Variants in ARFGAP1 observed in about 807,000 individuals in gnomAD.
ARFGAP1 encodes the protein ADP-ribosylation factor GTPase-activating protein 1.
In ARFGAP1, 26 loss-of-function variants were observed where a neutral mutation model predicts 54.0. The observed-to-expected ratio is 0.48, with a 90% CI of 0.35 to 0.67. ARFGAP1 has a LOEUF of 0.67. Ranked by LOEUF, ARFGAP1 falls within the 30% of genes least tolerant of loss-of-function variation. The probability of loss-of-function intolerance (pLI) is 0.00; values close to 1 mark genes in which losing one functional copy is unlikely to be tolerated. For synonymous variants in ARFGAP1, 248 were observed against 211.9 expected (o/e 1.17, Z -1.48); for missense variants, 525 against 535.8 (o/e 0.98, Z 0.20).
rs766657399 is a variant in ARFGAP1, at chr20:63,287,684, G to C, written c.1032G>C (p.Pro344=). 2.5e-6 allele frequency: 4 copies of C among 1,612,396 alleles called. No individual in the cohort carries two copies. The highest frequency in any genetic ancestry group is 1.3e-5 in the African/African-American group (1 of 74,904). The change falls in exon 13 of 13, where the codon CCG becomes CCC. Residue 344 remains proline, a synonymous_variant. Coordinates refer to ENST00000370283, the MANE Select transcript of ARFGAP1 (RefSeq NM_018209.4). The part of the protein sequence containing the change: ...SAEPTKTRKS[P]SSDSWTCADT... ...AGCCCACCAAGACCCGCAAGTCCCC[G>C]AGCAGCGACAGCTGGACGTGCGCGG...
At chr20:63,275,995 C>T in intron 2 of ARFGAP1, 96 bp from the exon 3 acceptor site, 2 of 1,127,266 alleles carry the variant, frequency 1.8e-6, no homozygotes, top group East Asian at 2.3e-5. Flanking sequence ...CCTGGGCAGC[C>T]CTCTGCATTC....
chr20:63,287,683 C>A lies in ARFGAP1; in HGVS notation c.1031C>A (p.Pro344Gln). The A allele has an allele frequency of 6.2e-7, 1 of 1,612,466 alleles. No individual in the cohort carries two copies. The highest frequency in any genetic ancestry group is 1.1e-5 in the South Asian group (1 of 91,016). Reference protein sequence around the residue: ...SAEPTKTRKSPSSDSWTCADT... With the variant: ...SAEPTKTRKSQSSDSWTCADT... ...GAGCCCACCAAGACCCGCAAGTCCCCGAGCAGCGACAGCTGGACGTGCGCG... is the reference window on the plus strand; with the variant it reads ...GAGCCCACCAAGACCCGCAAGTCCCAGAGCAGCGACAGCTGGACGTGCGCG... Residue 344 changes from proline (P) to glutamine (Q), a missense_variant, in exon 13 of 13, where the codon CCG becomes CAG. Coordinates refer to ENST00000370283, the MANE Select transcript of ARFGAP1 (RefSeq NM_018209.4).
chr20:63,286,887 C>T lies in ARFGAP1; in HGVS notation c.911+445C>T, dbSNP rs545966206. The T allele has an allele frequency of 1.9e-4, 34 of 183,618 alleles. 1 individual carries two copies. The South Asian group carries it at 2.8e-3, about 15-fold the overall frequency. The allele number at this position is 183,618 out of a possible 1,614,324, so 11.4% of individuals were successfully genotyped here. A position where few individuals can be genotyped will look rare whatever the true frequency, so the allele number is the denominator to read the frequency against. ...GGCCAGGGGACAGGAAGGCTAGGGC[C>T]CCAGAGACCTGTCCTGGGCCCCATG... On this transcript the variant is annotated intron_variant, in intron 12 of 12. Coordinates refer to ENST00000370283, the MANE Select transcript of ARFGAP1 (RefSeq NM_018209.4).
chr20:63,279,031 C>T lies in ARFGAP1; in HGVS notation c.627+36C>T, dbSNP rs755044676. 72 of 1,605,638 alleles carry T rather than the reference C, an allele frequency of 4.5e-5. No homozygotes were observed. In the South Asian group the frequency reaches 5.5e-4, roughly 12 times the overall value. ...GGCCCTGCAGAGCATCTCCCATGGG[C>T]AGACCCCGCCCTGAGGGCACGACGG... On this transcript the variant is annotated intron_variant, in intron 7 of 12. Coordinates refer to ENST00000370283, the MANE Select transcript of ARFGAP1 (RefSeq NM_018209.4).
Position 63,277,290 on chromosome 20 carries a change from C to G in ARFGAP1, c.428C>G (p.Pro143Arg), listed in dbSNP as rs371065303. Residue 143 changes from proline (P) to arginine (R), a missense_variant, in exon 5 of 13, where the codon CCG becomes CGG. By Grantham distance (103) the Pro-to-Arg change is moderately radical. This residue lies in a region of ARFGAP1 where 466 missense variants were observed against 453.6 expected (regional missense o/e 1.03). Coordinates refer to ENST00000370283, the MANE Select transcript of ARFGAP1 (RefSeq NM_018209.4). ...ACCCCACCTCAGCCCAGGACGCTGCCGTCCATGGTGCACCGGTAGCTGCTC... is the reference window on the plus strand; with the variant it reads ...ACCCCACCTCAGCCCAGGACGCTGCGGTCCATGGTGCACCGGTAGCTGCTC... ...NWTPPQPRTL[P>R]SMVHRVSGQP... is the part of the protein sequence containing the mutation. 1.1e-5 allele frequency: 17 copies of G among 1,612,580 alleles called. No homozygotes were observed. Among genetic ancestry groups the G allele is most frequent in the Non-Finnish European group, 9.3e-6 (11 of 1,179,862 alleles).
intron 7 of ARFGAP1, 52 bp from the exon 8 acceptor site, chr20:63,281,239 C>A (rs568416419): frequency 1.9e-6 from 3 of 1,550,576 alleles, no homozygotes; most frequent in Non-Finnish European, 2.6e-6. Flanking sequence ...TGCTCAGCGC[C>A]GGGTTCCTGG....
In ARFGAP1 at chr20:63,282,856, CAG is replaced by C. The variant is rs750880943; in HGVS notation, c.717+8_717+9del. On this transcript the variant is annotated splice_donor_region_variant and intron_variant, in intron 9 of 12. Transcript: ENST00000370283. ...GGATCCCAAGCGAGTCAGAAGGTAACAGAGGAGAAGCTTCTGCACCCTGGTGC... is the reference window on the plus strand; with the variant it reads ...GGATCCCAAGCGAGTCAGAAGGTAACAGGAGAAGCTTCTGCACCCTGGTGC... 5.0e-6 allele frequency: 8 copies of C among 1,613,912 alleles called. No homozygotes were observed. In the Admixed American group the frequency reaches 6.7e-5, roughly 13 times the overall value.
rs2067424775 is a variant in ARFGAP1, at chr20:63,282,933, T to C, written c.717+82T>C. The C allele has an allele frequency of 3.5e-5, 51 of 1,461,574 alleles. No individual in the cohort carries two copies. The South Asian group carries it at 5.1e-4, about 15-fold the overall frequency. The allele number at this position is 1,461,574 out of a possible 1,614,324, so 90.5% of individuals were successfully genotyped here. A position where few individuals can be genotyped will look rare whatever the true frequency, so the allele number is the denominator to read the frequency against. On this transcript the variant is annotated intron_variant, in intron 9 of 12. Coordinates refer to ENST00000370283, the MANE Select transcript of ARFGAP1 (RefSeq NM_018209.4). ...GTCACGTGCAGCACCTGAAGCTGCC[T>C]GGTTCCCTCTTCTCAGGCCACATGC...
intron 7 of ARFGAP1, among the ~76,000 whole-genome samples, chr20:63,280,992 G>A (rs909936985): frequency 1.3e-5 from 2 of 152,212 alleles, no homozygotes; most frequent in African/African-American, 4.8e-5. Context: ...CATGGGGAGG[G>A]GTCCTGCCCT....
intron 8 of ARFGAP1, among the ~76,000 whole-genome samples, chr20:63,282,047 C>T (rs947935265): frequency 4.6e-5 from 7 of 151,676 alleles, no homozygotes; most frequent in Admixed American, 3.3e-4. Flanking sequence ...CCCGTCACAG[C>T]GCTCACCTGT....
Position 63,276,305 on chromosome 20 carries a change from C to T in ARFGAP1, c.170+105C>T, listed in dbSNP as rs989870767. 4.9e-5 allele frequency: 69 copies of T among 1,404,712 alleles called. 2 individuals carry two copies. Among genetic ancestry groups the T allele is most frequent in the East Asian group, 3.3e-4 (14 of 42,990 alleles). The allele number at this position is 1,404,712 out of a possible 1,614,324, so 87.0% of individuals were successfully genotyped here. A position where few individuals can be genotyped will look rare whatever the true frequency, so the allele number is the denominator to read the frequency against. On this transcript the variant is annotated intron_variant, in intron 3 of 12. Transcript: ENST00000370283. This position sits in a 1 kb window ranked among gnomAD's most constrained non-coding sequence, Gnocchi z 5.2. The stretch of plus-strand genomic sequence containing the variant: ...CCAGGGAAGCTTGGGGGCCACCTCC[C>T]ATTGCATTGCCAGTGTCCACTCTAG...
At chr20:63,275,718 G>A (rs902823452) in intron 2 of ARFGAP1, 78 bp downstream of exon 2, 2 of 1,415,450 alleles carry the variant, frequency 1.4e-6, no homozygotes, top group Non-Finnish European at 2.0e-6. Flanking sequence ...CTCTGAGCCT[G>A]TAGTTCTGGG....
At chr20:63,275,966 G>T in intron 2 of ARFGAP1, 125 bp from the exon 3 acceptor site, 1 of 829,538 alleles carries the variant, frequency 1.2e-6, no homozygotes, top group South Asian at 1.5e-5. Context: ...GCCTTGCCCT[G>T]ACCCACACCC....
rs1300449606 is a variant in ARFGAP1 at position 63,275,507 on chromosome 20, C to T, written c.-4-70C>T. 4 of 1,454,980 alleles carry T rather than the reference C, an allele frequency of 2.7e-6. No individual in the cohort carries two copies. The African/African-American group carries it at 4.2e-5, about 15-fold the overall frequency. 90.1% of individuals were successfully genotyped at this position (1,454,980 alleles called of 1,614,324 possible). A position where few individuals can be genotyped will look rare whatever the true frequency, so the allele number is the denominator to read the frequency against. On this transcript the variant is annotated intron_variant, in intron 1 of 12. Coordinates refer to ENST00000370283, the MANE Select transcript of ARFGAP1 (RefSeq NM_018209.4). ...TTTTCTGTTGTGTGGTGTTTTTGGA[C>T]AGACGTTATTTTCTTTTTTGTAGAG...
rs2067631380 is a variant in ARFGAP1, at chr20:63,288,623, C to T, written c.*750C>T. The T allele has an allele frequency of 2.3e-6, 1 of 426,772 alleles. No individual in the cohort carries two copies. Among genetic ancestry groups the T allele is most frequent in the Non-Finnish European group, 4.8e-6 (1 of 209,864 alleles). The allele number at this position is 426,772 out of a possible 1,614,324, so 26.4% of individuals were successfully genotyped here. ...AGGAGCGCAGGGTGGGCCCTCGGCC[C>T]TGATGCAGGAGGGTGCGATAGCGGA... On this transcript the variant is annotated 3_prime_UTR_variant, in exon 13 of 13. Coordinates refer to ENST00000370283, the MANE Select transcript of ARFGAP1 (RefSeq NM_018209.4).
chr20:63,278,302 G>T, intron 6 of ARFGAP1, 99 bp downstream of exon 6: 1 of 1,285,386 alleles, frequency 7.8e-7, no homozygotes, highest in Non-Finnish European at 1.1e-6. Flanking sequence ...CATGTGCAGT[G>T]GGTGTGGGAC....
At position 63,286,541 on chromosome 20, in the gene ARFGAP1, G is replaced by C. The variant is rs561119907; in HGVS notation, c.911+99G>C. On this transcript the variant is annotated intron_variant, in intron 12 of 12. Transcript: ENST00000370283. ...AGGTGGCTGGCATCCTTGCTGGGGA[G>C]GGAAGGGGCACTGTGGAGGCTCTCC... The C allele has an allele frequency of 4.9e-6, 6 of 1,231,154 alleles. No individual in the cohort carries two copies. In the African/African-American group the frequency reaches 7.5e-5, roughly 15 times the overall value. 76.3% of individuals were successfully genotyped at this position (1,231,154 alleles called of 1,614,324 possible). A position where few individuals can be genotyped will look rare whatever the true frequency, so the allele number is the denominator to read the frequency against.
At chr20:63,280,212 A>G (rs2067344357) in intron 7 of ARFGAP1, among the ~76,000 whole-genome samples, 1 of 152,318 alleles carries the variant, frequency 6.6e-6, no homozygotes, top group Middle Eastern at 3.4e-3. Flanking sequence ...GCCTTTGGCC[A>G]CGGGGGCTGC....
chr20:63,286,258 C>G, intron 11 of ARFGAP1, 108 bp from the exon 12 acceptor site: 2 of 1,566,394 alleles, frequency 1.3e-6, no homozygotes, highest in Non-Finnish European at 1.7e-6. Flanking sequence ...TGGATTTTGC[C>G]TGGGTCTTCT....
Sources: gnomAD v4.1 joint callset for allele counts (sites outside exome capture counted in the v4.1 genomes callset) on GRCh38, gnomAD v4.1.1 for gene constraint, gnomAD v4.1.1 regional missense constraint, Gnocchi (gnomAD v3.1) non-coding constraint, MANE v1.5 for transcripts, NCBI Gene and HGNC (gene_info 2026-07-23, HGNC 2026-07-21) for gene names.